Variants in CLSTN2 observed in about 807,000 individuals in gnomAD.
CLSTN2 encodes calsyntenin 2, also known as calsyntenin-2.
A neutral mutation model predicts 101.2 loss-of-function variants in CLSTN2; 48 were observed. That is an observed-to-expected ratio of 0.47 (90% CI 0.38 to 0.60). The LOEUF is 0.60. CLSTN2 is among the 20% of genes least tolerant of loss of function. The pLI is 0.00. For synonymous variants in CLSTN2, 481 were observed against 463.6 expected (o/e 1.04, Z -0.48); for missense variants, 1,160 against 1,238.2 (o/e 0.94, Z 0.95).
At chr3:140,081,127 T>C (rs1299388229) in intron 1 of CLSTN2, among the ~76,000 whole-genome samples, 1 of 152,210 alleles carries the variant, frequency 6.6e-6, no homozygotes, top group Non-Finnish European at 1.5e-5. Flanking sequence ...AAGGTGAAGA[T>C]GTGTGAGCAA....
In CLSTN2 at chr3:140,566,363, G is replaced by C; in HGVS notation, c.*110G>C. On this transcript the variant is annotated 3_prime_UTR_variant, in exon 17 of 17. Transcript: ENST00000458420. Reference sequence around the variant, plus strand: ...TGATGTCTGTGACATGTCTGGGAAGGCCTTCTCCAGCTTCCTGGAGCCCAC... The same window carrying C: ...TGATGTCTGTGACATGTCTGGGAAGCCCTTCTCCAGCTTCCTGGAGCCCAC... The C allele has an allele frequency of 9.0e-7, 1 of 1,108,016 alleles. No homozygotes were observed. The highest frequency in any genetic ancestry group is 1.5e-5 in the South Asian group (1 of 67,214). The allele number at this position is 1,108,016 out of a possible 1,614,324, so 68.6% of individuals were successfully genotyped here.
At chr3:140,418,007 T>C (rs1184232774) in intron 4 of CLSTN2, among the ~76,000 whole-genome samples, 1 of 152,228 alleles carries the variant, frequency 6.6e-6, no homozygotes, top group East Asian at 1.9e-4. Context: ...AGCTTGTGTG[T>C]TTATTTTTCT....
chr3:140,087,942 A>G (rs1010484774), intron 1 of CLSTN2, among the ~76,000 whole-genome samples: 5 of 152,302 alleles, frequency 3.3e-5, no homozygotes, highest in Admixed American at 3.3e-4. Flanking sequence ...TGGCAGTGGC[A>G]TGGGAGCTTG....
intron 2 of CLSTN2, among the ~76,000 whole-genome samples, chr3:140,211,478 A>G (rs570878735): frequency 6.7e-6 from 1 of 149,208 alleles, no homozygotes; most frequent in Non-Finnish European, 1.5e-5. Context: ...TGTCTACTCC[A>G]CACTTATCTT....
chr3:140,105,029 A>C (rs1355812711), intron 1 of CLSTN2, among the ~76,000 whole-genome samples: 4 of 152,216 alleles, frequency 2.6e-5, no homozygotes, highest in African/African-American at 9.7e-5. Flanking sequence ...GTAATATAGA[A>C]ATCTTATTCC....
intron 1 of CLSTN2, among the ~76,000 whole-genome samples, chr3:140,064,824 G>C (rs2008270747): frequency 6.6e-6 from 1 of 151,976 alleles, no homozygotes; most frequent in Non-Finnish European, 1.5e-5. Context: ...ATATAATTGA[G>C]AAAATAAGAG....
chr3:140,283,659 G>A (rs888974139), intron 2 of CLSTN2, among the ~76,000 whole-genome samples: 1 of 152,168 alleles, frequency 6.6e-6, no homozygotes, highest in African/African-American at 2.4e-5. Context: ...TTCCTAAGTA[G>A]TGTTCAGTTA....
At chr3:140,458,781 T>C (rs996297638) in intron 6 of CLSTN2, among the ~76,000 whole-genome samples, 1 of 152,180 alleles carries the variant, frequency 6.6e-6, no homozygotes, top group Admixed American at 6.5e-5. Context: ...CTCTAATGCA[T>C]TATCTCATTC....
chr3:140,400,511 C>T (rs1326248789), intron 2 of CLSTN2, among the ~76,000 whole-genome samples: 1 of 152,096 alleles, frequency 6.6e-6, no homozygotes, highest in Non-Finnish European at 1.5e-5. Context: ...CCAGCTTGGA[C>T]AACATAATGA....
chr3:140,332,786 GGA>G (rs2087398425), intron 2 of CLSTN2, among the ~76,000 whole-genome samples: 1 of 152,028 alleles, frequency 6.6e-6, no homozygotes, highest in African/African-American at 2.4e-5. Flanking sequence ...AGTAAGAATA[GGA>G]GAGTCAGTTA....
At chr3:140,052,349 G>T (rs1455193104) in intron 1 of CLSTN2, among the ~76,000 whole-genome samples, 2 of 152,054 alleles carry the variant, frequency 1.3e-5, no homozygotes, top group African/African-American at 2.4e-5. Flanking sequence ...AGTAAGACAG[G>T]GTTTTACCGT....
At chr3:140,455,776 T>C (rs1012096046) in intron 6 of CLSTN2, among the ~76,000 whole-genome samples, 1 of 152,234 alleles carries the variant, frequency 6.6e-6, no homozygotes, top group Non-Finnish European at 1.5e-5. Context: ...CAGAAAAACC[T>C]TGGAGAAAGT....
chr3:140,056,997 T>G (rs544475298), intron 1 of CLSTN2, among the ~76,000 whole-genome samples: 38 of 152,288 alleles, frequency 2.5e-4, no homozygotes, highest in African/African-American at 9.1e-4. Flanking sequence ...TGCCAGAGCC[T>G]CCTCCTGCAC....
At chr3:140,220,600 A>T (rs977747100) in intron 2 of CLSTN2, among the ~76,000 whole-genome samples, 2 of 152,250 alleles carry the variant, frequency 1.3e-5, no homozygotes, top group African/African-American at 4.8e-5. Flanking sequence ...TTTCAGAGGC[A>T]CATTTGCCAA....
rs111234941 is a variant in CLSTN2 at position 140,180,110 on chromosome 3, C to T, written c.232+4037C>T. 2.9e-3 allele frequency among the ~76,000 whole-genome samples: 438 copies of T among 152,252 alleles called. 1 individual carries two copies. The highest frequency in any genetic ancestry group is 0.01 in the African/African-American group (423 of 41,554). On this transcript the variant is annotated intron_variant, in intron 2 of 16. Coordinates refer to ENST00000458420, the MANE Select transcript of CLSTN2 (RefSeq NM_022131.3). ...TGTTTTGATGAAATTTAAAGAGTGTCTATGACACATCTTGCAATGATTCAA... is the reference window on the plus strand; with the variant it reads ...TGTTTTGATGAAATTTAAAGAGTGTTTATGACACATCTTGCAATGATTCAA...
At chr3:140,176,424 C>A (rs944119325) in intron 2 of CLSTN2, among the ~76,000 whole-genome samples, 7 of 152,062 alleles carry the variant, frequency 4.6e-5, no homozygotes, top group Non-Finnish European at 1.0e-4. Flanking sequence ...GGCCGACTAC[C>A]CACATGTAAT....
At chr3:140,102,780 G>A (rs954810933) in intron 1 of CLSTN2, among the ~76,000 whole-genome samples, 1 of 152,290 alleles carries the variant, frequency 6.6e-6, no homozygotes, top group Non-Finnish European at 1.5e-5. Context: ...TGAAAACACA[G>A]AATAGTTACA....
chr3:140,170,643 G>A (rs957381921), intron 1 of CLSTN2, among the ~76,000 whole-genome samples: 1 of 152,216 alleles, frequency 6.6e-6, no homozygotes, highest in African/African-American at 2.4e-5. Flanking sequence ...CCTGTACATA[G>A]AAGGAAGTCA....
chr3:140,452,164 G>T (rs1435458326), intron 6 of CLSTN2, among the ~76,000 whole-genome samples: 1 of 152,050 alleles, frequency 6.6e-6, no homozygotes, highest in East Asian at 1.9e-4. Context: ...GTTGCCTGTG[G>T]TATACCCTGG....
Sources: gnomAD v4.1 joint callset for allele counts (sites outside exome capture counted in the v4.1 genomes callset) on GRCh38, gnomAD v4.1.1 for gene constraint, MANE v1.5 for transcripts, NCBI Gene and HGNC (gene_info 2026-07-23, HGNC 2026-07-21) for gene names.